The following SPATA7 variants were observed in gnomAD, a reference collection of about 807,000 sequenced individuals.
The protein encoded by SPATA7 is spermatogenesis-associated protein 7.
In SPATA7, 43 loss-of-function variants were observed where a neutral mutation model predicts 51.8. The observed-to-expected ratio is 0.83, with a 90% confidence interval of 0.65 to 1.07. The LOEUF is 1.07. Ranked by LOEUF, SPATA7 falls within the 50% of genes least tolerant of loss-of-function variation. The probability of loss-of-function intolerance (pLI) is 0.00; values close to 1 mark genes in which losing one functional copy is unlikely to be tolerated. For synonymous variants in SPATA7, 230 were observed against 252.8 expected, an observed-to-expected ratio of 0.91 and a Z score of 0.86; for missense variants, 683 against 701.3, an observed-to-expected ratio of 0.97 and a Z score of 0.30.
At chr14:88,404,979 A>G (rs2139918697) in intron 4 of SPATA7, among the ~76,000 whole-genome samples, 1 of 152,352 alleles carries the variant, frequency 6.6e-6, no homozygotes, top group South Asian at 2.1e-4. Context: ...AATAAAGAAT[A>G]TGTCATATGG....
intron 3 of SPATA7, among the ~76,000 whole-genome samples, chr14:88,451,231 G>A (rs191489964): frequency 7.2e-5 from 11 of 152,148 alleles, no homozygotes; most frequent in Admixed American, 3.9e-4. Flanking sequence ...CTGGAATGGC[G>A]CAATCTTGGC....
intron 4 of SPATA7, among the ~76,000 whole-genome samples, chr14:88,461,170 G>A (rs2077314983): frequency 6.6e-6 from 1 of 152,226 alleles, no homozygotes; most frequent in Non-Finnish European, 1.5e-5. Flanking sequence ...ACCCACTTGA[G>A]GGGGCAGTCT....
intron 4 of SPATA7, chr14:88,468,076 G>A (rs2077392675): frequency 6.3e-7 from 1 of 1,580,374 alleles, no homozygotes; most frequent in African/African-American, 1.4e-5. Context: ...AGTTAGGCAA[G>A]CGCTTTTTTT....
chr14:88,459,111 T>C (rs2077301917), downstream of SPATA7, among the ~76,000 whole-genome samples: 1 of 152,262 alleles, frequency 6.6e-6, no homozygotes, highest in East Asian at 1.9e-4. Context: ...TTCTGTTCTT[T>C]TACATTTGCT....
chr14:88,462,850 G>A (rs1005689331), intron 4 of SPATA7, among the ~76,000 whole-genome samples: 1 of 152,146 alleles, frequency 6.6e-6, no homozygotes, highest in Admixed American at 6.5e-5. Flanking sequence ...AAGTTCTACA[G>A]AAGTTCAAAC....
chr14:88,421,933 G>A (rs1273652304), intron 5 of SPATA7, among the ~76,000 whole-genome samples: 1 of 149,838 alleles, frequency 6.7e-6, no homozygotes, highest in Non-Finnish European at 1.5e-5. Context: ...GGGCGACAGA[G>A]CGAGACTCCA....
At chr14:88,450,401 C>T (rs1336447146) in intron 3 of SPATA7, among the ~76,000 whole-genome samples, 1 of 151,764 alleles carries the variant, frequency 6.6e-6, no homozygotes, top group Non-Finnish European at 1.5e-5. Context: ...ATTATAGGTC[C>T]TGTGAGATTT....
At chr14:88,468,901 C>A in intron 4 of SPATA7, 1 of 1,613,868 alleles carries the variant, frequency 6.2e-7, no homozygotes, top group South Asian at 1.1e-5. Context: ...GCCAGGTGAT[C>A]ATAAGCGCCA....
chr14:88,458,690 T>G (rs552946126), downstream of SPATA7, among the ~76,000 whole-genome samples: 57 of 152,310 alleles, frequency 3.7e-4, no homozygotes, highest in Non-Finnish European at 6.9e-4. Context: ...CTGGATTCAT[T>G]GATTTTTTGA....
chr14:88,447,368 C>G (rs1205793655), intron 3 of SPATA7, among the ~76,000 whole-genome samples: 5 of 149,916 alleles, frequency 3.3e-5, no homozygotes, highest in African/African-American at 1.2e-4. Flanking sequence ...TATTTTGAGC[C>G]TATGTGTGTC....
chr14:88,463,447 A>G (rs2077330215), intron 4 of SPATA7, among the ~76,000 whole-genome samples: 1 of 152,192 alleles, frequency 6.6e-6, no homozygotes, highest in Non-Finnish European at 1.5e-5. Context: ...CTTGGTTGCC[A>G]CTGCCCGACA....
At chr14:88,453,330 G>A (rs1053835798) in intron 3 of SPATA7, among the ~76,000 whole-genome samples, 12 of 152,318 alleles carry the variant, frequency 7.9e-5, no homozygotes, top group Middle Eastern at 3.4e-3. Flanking sequence ...GTAGCAGATT[G>A]CTAAGCTACA....
At chr14:88,418,196 C>G (rs1487637700) in intron 5 of SPATA7, among the ~76,000 whole-genome samples, 1 of 152,094 alleles carries the variant, frequency 6.6e-6, no homozygotes, top group African/African-American at 2.4e-5. Context: ...AAAGGACACA[C>G]TTTTTATTGT....
At chr14:88,416,923 A>C in intron 5 of SPATA7, 79 bp downstream of exon 5, 1 of 1,342,170 alleles carries the variant, frequency 7.5e-7, no homozygotes, top group Non-Finnish European at 1.0e-6. Context: ...TTTGTTTACT[A>C]TAGTTTAGGG....
intron 4 of SPATA7, among the ~76,000 whole-genome samples, chr14:88,463,700 T>A (rs930200671): frequency 6.6e-6 from 1 of 152,118 alleles, no homozygotes; most frequent in Non-Finnish European, 1.5e-5. Flanking sequence ...AGAGCATATT[T>A]TTTATTTGGG....
At chr14:88,407,929 G>A (rs1485025743) in intron 4 of SPATA7, among the ~76,000 whole-genome samples, 3 of 152,000 alleles carry the variant, frequency 2.0e-5, no homozygotes, top group Non-Finnish European at 2.9e-5. Context: ...GATGTGTGGC[G>A]TTACTTCTGA....
At position 88,426,375 on chromosome 14, in the gene SPATA7, T is replaced by G. The variant is rs143546398; in HGVS notation, c.516T>G (p.Pro172=). ...CCAGTAAAGTCATCACAAATGGTCC[T>G]GAGAAGAACTCCAGTTCCTCCCCGT... ...HKSSKVITNG[P]EKNSSSSPSS... The change falls in exon 6 of 12, where the codon CCT becomes CCG. Residue 172 remains proline (P), a synonymous_variant. Coordinates refer to ENST00000393545, the MANE Select transcript of SPATA7 (RefSeq NM_018418.5). 3 of 1,614,208 alleles carry G rather than the reference T, an allele frequency of 1.9e-6. No individual in the cohort carries two copies. In the Admixed American group the frequency reaches 5.0e-5, roughly 27 times the overall value.
intron 2 of SPATA7, among the ~76,000 whole-genome samples, chr14:88,392,132 G>A (rs1351105204): frequency 6.6e-6 from 1 of 151,994 alleles, no homozygotes; most frequent in Non-Finnish European, 1.5e-5. Flanking sequence ...TAAAGTTTAT[G>A]ATTGTGGCTA....
chr14:88,433,760 G>A (rs17124690), intron 10 of SPATA7, among the ~76,000 whole-genome samples: 3,753 of 152,194 alleles, frequency 0.025, 161 homozygotes, highest in African/African-American at 0.085. Context: ...GCTCTACTTT[G>A]TGTTATGTAA....
Sources: allele counts gnomAD v4.1 joint callset (sites outside exome capture counted in the v4.1 genomes callset), GRCh38; gene constraint gnomAD v4.1.1; transcripts MANE v1.5; gene names NCBI Gene and HGNC (gene_info 2026-07-23, HGNC 2026-07-21).